Variants in HCN1 observed in about 807,000 individuals in gnomAD.
The protein encoded by HCN1 is potassium/sodium hyperpolarization-activated cyclic nucleotide-gated channel 1.
In HCN1, 13 loss-of-function variants were observed where a neutral mutation model predicts 78.9. The observed-to-expected ratio is 0.16, with a 90% CI of 0.11 to 0.26. The LOEUF (loss-of-function observed/expected upper bound fraction) is 0.26, where lower values mean the gene tolerates loss of function less well. HCN1 is among the 10% of genes least tolerant of loss of function. The probability of loss-of-function intolerance (pLI) is 1.00; values close to 1 mark genes in which losing one functional copy is unlikely to be tolerated. For missense variants in HCN1, 810 were observed against 1,154.3 expected (o/e 0.70, Z 4.32); for synonymous variants, 552 against 455.5 (o/e 1.21, Z -2.70).
intron 3 of HCN1, among the ~76,000 whole-genome samples, chr5:45,423,422 CA>C (rs1399527192): frequency 2.6e-5 from 4 of 152,154 alleles, no homozygotes; most frequent in Non-Finnish European, 5.9e-5. Context: ...TACTCTATTT[CA>C]ATCACCCTTC....
intron 2 of HCN1, among the ~76,000 whole-genome samples, chr5:45,490,890 A>G (rs1741867787): frequency 6.6e-6 from 1 of 151,996 alleles, no homozygotes; most frequent in African/African-American, 2.4e-5. Flanking sequence ...TCCTTTGCCT[A>G]GCTCATTTTA....
chr5:45,521,419 A>G (rs1307660779), intron 2 of HCN1, among the ~76,000 whole-genome samples: 1 of 151,928 alleles, frequency 6.6e-6, no homozygotes, highest in African/African-American at 2.4e-5. Context: ...GGTATCAGCA[A>G]GGTTGGTTTC....
intron 5 of HCN1, among the ~76,000 whole-genome samples, chr5:45,352,474 T>C (rs538729007): frequency 3.9e-5 from 6 of 152,076 alleles, no homozygotes; most frequent in South Asian, 2.1e-4. Flanking sequence ...TGTATACATA[T>C]GTAAGTAACG....
At chr5:45,335,863 A>T (rs1746443122) in intron 5 of HCN1, among the ~76,000 whole-genome samples, 1 of 152,106 alleles carries the variant, frequency 6.6e-6, no homozygotes, top group Admixed American at 6.6e-5. Context: ...AATAGCTCAG[A>T]GTTGAACATC....
intron 2 of HCN1, among the ~76,000 whole-genome samples, chr5:45,612,774 C>T (rs984203875): frequency 2.0e-5 from 3 of 152,222 alleles, no homozygotes; most frequent in African/African-American, 4.8e-5. Context: ...GATCACTTTG[C>T]CCCATTCTGT....
intron 2 of HCN1, among the ~76,000 whole-genome samples, chr5:45,531,904 G>A (rs948318633): frequency 2.6e-5 from 4 of 152,094 alleles, no homozygotes; most frequent in African/African-American, 9.7e-5. Context: ...GCCAGGCGAG[G>A]CAGTGTGCAC....
At chr5:45,689,808 A>G (rs1488600402) in intron 1 of HCN1, among the ~76,000 whole-genome samples, 1 of 152,184 alleles carries the variant, frequency 6.6e-6, no homozygotes, top group East Asian at 1.9e-4. Flanking sequence ...ATATTATTAG[A>G]TTTGCTTTTT....
At chr5:45,654,843 G>C (rs889098275) in intron 1 of HCN1, among the ~76,000 whole-genome samples, 3 of 152,054 alleles carry the variant, frequency 2.0e-5, no homozygotes, top group African/African-American at 7.2e-5. Flanking sequence ...ATTCAAGTTT[G>C]GAGTTTTAAT....
intron 3 of HCN1, among the ~76,000 whole-genome samples, chr5:45,455,807 T>G (rs539279481): frequency 2.0e-5 from 3 of 150,254 alleles, no homozygotes; most frequent in Non-Finnish European, 4.4e-5. Context: ...ATAGCAGCTT[T>G]TCAATGCTTA....
chr5:45,587,442 C>G (rs1299150313), intron 2 of HCN1, among the ~76,000 whole-genome samples: 3 of 151,730 alleles, frequency 2.0e-5, no homozygotes, highest in South Asian at 2.1e-4. Flanking sequence ...AGCAAACTAT[C>G]GCAAGGACAA....
Position 45,645,557 on chromosome 5 carries a change from G to A in HCN1, c.477C>T (p.Ile159=). Residue 159 remains isoleucine (I), a synonymous_variant, in exon 2 of 8, where the codon ATC becomes ATT. Transcript: ENST00000303230. ...MLIMMVGNLV[I]IPVGITFFTE... ...TAAAGAATGTGATTCCAACTGGTATGATGACTAGATTTCCAACCATCATTA... is the reference window on the plus strand; with the variant it reads ...TAAAGAATGTGATTCCAACTGGTATAATGACTAGATTTCCAACCATCATTA... 1 of 1,609,968 alleles carries A rather than the reference G, an allele frequency of 6.2e-7. No homozygotes were observed. The highest frequency in any genetic ancestry group is 8.5e-7 in the Non-Finnish European group (1 of 1,178,138).
At chr5:45,682,063 A>G (rs967950339) in intron 1 of HCN1, among the ~76,000 whole-genome samples, 1 of 151,748 alleles carries the variant, frequency 6.6e-6, no homozygotes, top group African/African-American at 2.4e-5. Context: ...CACCCCTTCT[A>G]CCCTGCTAGG....
chr5:45,622,138 C>T (rs1406280652), intron 2 of HCN1, among the ~76,000 whole-genome samples: 3 of 151,512 alleles, frequency 2.0e-5, no homozygotes, highest in Non-Finnish European at 2.9e-5. Context: ...AGGAGAATGG[C>T]GTGAACCCAG....
At chr5:45,621,318 C>CT (rs1554036163) in intron 2 of HCN1, among the ~76,000 whole-genome samples, 1 of 147,590 alleles carries the variant, frequency 6.8e-6, no homozygotes, top group African/African-American at 2.5e-5. Context: ...ATTGTTCCAC[C>CT]TTTCTTTTTT....
At chr5:45,452,358 A>C (rs1267105556) in intron 3 of HCN1, among the ~76,000 whole-genome samples, 1 of 149,832 alleles carries the variant, frequency 6.7e-6, no homozygotes, top group Non-Finnish European at 1.5e-5. Flanking sequence ...TCCAGGGTAC[A>C]TATGCAGGTT....
At chr5:45,581,102 G>A (rs998731379) in intron 2 of HCN1, among the ~76,000 whole-genome samples, 3 of 152,294 alleles carry the variant, frequency 2.0e-5, no homozygotes, top group Non-Finnish European at 2.9e-5. Context: ...AGATCCTTGA[G>A]CAATCGCCAC....
chr5:45,573,086 A>T (rs1743866248), intron 2 of HCN1, among the ~76,000 whole-genome samples: 1 of 152,154 alleles, frequency 6.6e-6, no homozygotes, highest in Non-Finnish European at 1.5e-5. Context: ...GATGATAGAA[A>T]CTTACTTGTT....
At chr5:45,574,206 A>T (rs553114977) in intron 2 of HCN1, among the ~76,000 whole-genome samples, 1 of 152,260 alleles carries the variant, frequency 6.6e-6, no homozygotes, top group South Asian at 2.1e-4. Context: ...AATTTTTACA[A>T]ATTTAAGATT....
chr5:45,372,201 T>TATAATATATAATA (rs376980406), intron 4 of HCN1, among the ~76,000 whole-genome samples: 1 of 65,736 alleles, frequency 1.5e-5, no homozygotes, highest in African/African-American at 7.1e-5. Flanking sequence ...ATTAATATAA[T>TATAATATATAATA]ACATATTATA....
Sources: allele counts gnomAD v4.1 joint callset (sites outside exome capture counted in the v4.1 genomes callset), GRCh38; gene constraint gnomAD v4.1.1; transcripts MANE v1.5; gene names NCBI Gene and HGNC (gene_info 2026-07-23, HGNC 2026-07-21).